The following EPN2 variants were observed in gnomAD, a reference collection of about 807,000 sequenced individuals.
EPN2 encodes the protein epsin 2.
A neutral mutation model predicts 61.7 loss-of-function variants in EPN2; 34 were observed. The ratio of observed to expected loss-of-function variants is 0.55; its 90% confidence interval spans 0.42 to 0.73. The LOEUF is 0.73. Ranked by LOEUF, EPN2 falls within the 30% of genes least tolerant of loss-of-function variation. EPN2 has a pLI of 0.00. For missense variants in EPN2, 714 were observed against 839.2 expected (o/e 0.85, Z 1.84); for synonymous variants, 349 against 353.6 (o/e 0.99, Z 0.15).
rs2045024372 is a variant in EPN2 at position 19,252,293 on chromosome 17, C to T, written c.-294+14762C>T. On this transcript the variant is annotated intron_variant, in intron 1 of 10. Coordinates refer to ENST00000314728, the MANE Select transcript of EPN2 (RefSeq NM_014964.5). ...CTGTTGGGCTCAGTGTGGAGCATACCTGGTTGAGCCACCAGAGTTTGACAG... is the reference window on the plus strand; with the variant it reads ...CTGTTGGGCTCAGTGTGGAGCATACTTGGTTGAGCCACCAGAGTTTGACAG... 3.3e-5 allele frequency among the ~76,000 whole-genome samples: 5 copies of T among 152,236 alleles called. No homozygotes were observed. The South Asian group carries it at 1.0e-3, about 32-fold the overall frequency.
At chr17:19,237,719 G>A (rs1326204514) in intron 1 of EPN2, among the ~76,000 whole-genome samples, 188 bp downstream of exon 1, 1 of 152,108 alleles carries the variant, frequency 6.6e-6, no homozygotes, top group Admixed American at 6.5e-5. Flanking sequence ...TTTCCAACCA[G>A]GCCCCGCCCC....
At chr17:19,256,096 C>G (rs1374389828) in intron 1 of EPN2, among the ~76,000 whole-genome samples, 1 of 151,954 alleles carries the variant, frequency 6.6e-6, no homozygotes, top group Non-Finnish European at 1.5e-5. Context: ...CGCCACCACG[C>G]CCGGCTAATT....
At chr17:19,256,136 A>G (rs999458575) in intron 1 of EPN2, among the ~76,000 whole-genome samples, 21 of 151,758 alleles carry the variant, frequency 1.4e-4, no homozygotes, top group African/African-American at 5.1e-4. Flanking sequence ...ACGGGGTTTC[A>G]CCATGTTAGC....
At chr17:19,292,243 C>T (rs1377102758) in intron 4 of EPN2, among the ~76,000 whole-genome samples, 1 of 152,174 alleles carries the variant, frequency 6.6e-6, no homozygotes, top group Non-Finnish European at 1.5e-5. Flanking sequence ...ACTAGGAGGG[C>T]AGCAGGGCCC....
At chr17:19,308,222 C>T (rs543712301) in intron 4 of EPN2, 11 of 467,332 alleles carry the variant, frequency 2.4e-5, no homozygotes, top group East Asian at 1.5e-4. Flanking sequence ...TACTGGCGCC[C>T]GCCACCACAC....
intron 6 of EPN2, 56 bp from the exon 7 acceptor site, chr17:19,313,049 G>A (rs1906219631): frequency 6.4e-7 from 1 of 1,567,950 alleles, no homozygotes; most frequent in South Asian, 1.1e-5. Context: ...TAGTTCATGA[G>A]TATTTGCTGT....
intron 1 of EPN2, among the ~76,000 whole-genome samples, chr17:19,243,635 C>T (rs540108241): frequency 8.6e-5 from 13 of 151,984 alleles, no homozygotes; most frequent in Non-Finnish European, 1.5e-4. Context: ...CCTTGTGATC[C>T]GCCTGCCTCG....
chr17:19,304,899 G>C (rs1905752979), intron 4 of EPN2, among the ~76,000 whole-genome samples: 5 of 152,176 alleles, frequency 3.3e-5, no homozygotes, highest in Admixed American at 3.3e-4. Flanking sequence ...CGCCCCCAAG[G>C]CCTGGCAACC....
rs1907179110 is a variant in EPN2 at position 19,331,971 on chromosome 17, G to A, written c.1530G>A (p.Glu510=). The change falls in exon 10 of 11, where the codon GAG becomes GAA. Residue 510 remains glutamate (E), a synonymous_variant. Transcript: ENST00000314728. ...SKPSSARKTP[E]SFLGPNAALV... The stretch of plus-strand genomic sequence containing the variant: ...CCAGCAGTGCCCGGAAAACACCTGA[G>A]TCCTTCCTGGGCCCCAACGCGGCCC... 6.2e-7 allele frequency: 1 copy of A among 1,614,012 alleles called. No homozygotes were observed. Among genetic ancestry groups the A allele is most frequent in the Non-Finnish European group, 8.5e-7 (1 of 1,180,044 alleles).
chr17:19,314,097 C>A (rs547389151), intron 7 of EPN2, among the ~76,000 whole-genome samples: 1 of 152,104 alleles, frequency 6.6e-6, no homozygotes, highest in African/African-American at 2.4e-5. Context: ...AACTCGGTTC[C>A]CTAGATGTTT....
intron 1 of EPN2, among the ~76,000 whole-genome samples, chr17:19,240,131 C>G (rs544806992): frequency 6.6e-6 from 1 of 152,248 alleles, no homozygotes; most frequent in Non-Finnish European, 1.5e-5. Flanking sequence ...TCTCACTGTT[C>G]CCCATAACCT....
chr17:19,325,064 A>T (rs1906806491), intron 7 of EPN2, among the ~76,000 whole-genome samples: 1 of 152,214 alleles, frequency 6.6e-6, no homozygotes, highest in Non-Finnish European at 1.5e-5. Context: ...AATAATAAAA[A>T]ACCTATAAAT....
chr17:19,324,676 A>G (rs1906786109), intron 7 of EPN2, among the ~76,000 whole-genome samples: 1 of 152,232 alleles, frequency 6.6e-6, no homozygotes, highest in Non-Finnish European at 1.5e-5. Flanking sequence ...AACTGAAGCA[A>G]TAGTAAAATA....
At chr17:19,240,816 G>A (rs1420076272) in intron 1 of EPN2, among the ~76,000 whole-genome samples, 1 of 152,146 alleles carries the variant, frequency 6.6e-6, no homozygotes, top group African/African-American at 2.4e-5. Flanking sequence ...TGGTCAGCTT[G>A]TCTTTACTTC....
At position 19,334,463 on chromosome 17, in the gene EPN2, C is replaced by T; in HGVS notation, c.*209C>T. The T allele has an allele frequency of 2.5e-6, 1 of 406,896 alleles. No homozygotes were observed. The highest frequency in any genetic ancestry group is 4.3e-6 in the Non-Finnish European group (1 of 232,324). The allele number at this position is 406,896 out of a possible 1,614,324, so 25.2% of individuals were successfully genotyped here. A position where few individuals can be genotyped will look rare whatever the true frequency, so the allele number is the denominator to read the frequency against. On this transcript the variant is annotated 3_prime_UTR_variant, in exon 11 of 11. Coordinates refer to ENST00000314728, the MANE Select transcript of EPN2 (RefSeq NM_014964.5). This position sits in a 1 kb window ranked among gnomAD's most constrained non-coding sequence, Gnocchi z 4.9. ...CCCTCAGCCTGGCCTGCTCTCACCA[C>T]CTCCTCCAAAGCACTGAGGTCCTGG...
chr17:19,310,433 A>G (rs7214247), intron 5 of EPN2, among the ~76,000 whole-genome samples: 146,208 of 152,284 alleles, frequency 0.96, 70,589 homozygotes, highest in African/African-American at 0.99. Context: ...TTTGCAAAAA[A>G]CAAAGGCTGG....
rs148823395 is a variant in EPN2, at chr17:19,322,434, A to G, written c.1148-6277A>G. Reference sequence around the variant, plus strand: ...CAGTAGCTGATCCCGGCCAAAAGTGAAAAAGGCCACCAAGATAGTGGCTGG... The same window carrying G: ...CAGTAGCTGATCCCGGCCAAAAGTGGAAAAGGCCACCAAGATAGTGGCTGG... On this transcript the variant is annotated intron_variant, in intron 7 of 10. Transcript: ENST00000314728. 1.4e-4 allele frequency among the ~76,000 whole-genome samples: 21 copies of G among 152,230 alleles called. 1 individual carries two copies. Among genetic ancestry groups the G allele is most frequent in the African/African-American group, 5.1e-4 (21 of 41,534 alleles).
chr17:19,292,407 T>C (rs2045474394), intron 4 of EPN2, among the ~76,000 whole-genome samples: 1 of 152,246 alleles, frequency 6.6e-6, no homozygotes, highest in Non-Finnish European at 1.5e-5. Context: ...GAGACTCATT[T>C]GGCATCTTGT....
chr17:19,244,882 C>G (rs2152199393), intron 1 of EPN2, among the ~76,000 whole-genome samples: 1 of 152,234 alleles, frequency 6.6e-6, no homozygotes, highest in East Asian at 1.9e-4. Flanking sequence ...GCTGGTATGC[C>G]CCAGCTGGTA....
Sources: allele counts gnomAD v4.1 joint callset (sites outside exome capture counted in the v4.1 genomes callset), GRCh38; gene constraint gnomAD v4.1.1; non-coding constraint Gnocchi (gnomAD v3.1); transcripts MANE v1.5; gene names NCBI Gene and HGNC (gene_info 2026-07-23, HGNC 2026-07-21).